The following RALYL variants were observed in gnomAD, a reference collection of about 807,000 sequenced individuals.
The protein encoded by RALYL is RNA-binding Raly-like protein.
RALYL carries 29 observed loss-of-function variants against 35.1 expected under a neutral mutation model. That is an observed-to-expected ratio of 0.83 (90% CI 0.61 to 1.13). RALYL has a LOEUF of 1.13. Among genes scored for constraint, RALYL ranks in the 50% most tolerant of loss-of-function variants. The pLI, the probability that RALYL is intolerant of heterozygous loss-of-function variation, is 0.00. For synonymous variants in RALYL, 120 were observed against 127.6 expected (o/e 0.94, Z 0.40); for missense variants, 359 against 360.4 (o/e 1.00, Z 0.03).
chr8:84,415,064 T>C (rs1367507413), intron 1 of RALYL, among the ~76,000 whole-genome samples: 3 of 151,848 alleles, frequency 2.0e-5, no homozygotes, highest in Admixed American at 6.6e-5. Flanking sequence ...TTTAGTCTTA[T>C]AGAAAGGACA....
At chr8:84,498,404 C>A (rs1371744986) in intron 1 of RALYL, among the ~76,000 whole-genome samples, 3 of 152,008 alleles carry the variant, frequency 2.0e-5, no homozygotes, top group Non-Finnish European at 2.9e-5. Flanking sequence ...TGAATAATAA[C>A]CATTATTCAT....
intron 7 of RALYL, among the ~76,000 whole-genome samples, chr8:84,881,696 T>C (rs1041885052): frequency 1.3e-5 from 2 of 151,990 alleles, no homozygotes; most frequent in African/African-American, 4.8e-5. Context: ...TTTAAAGCTT[T>C]AGGCATTTTC....
intron 7 of RALYL, among the ~76,000 whole-genome samples, chr8:84,873,744 A>G (rs111310424): frequency 2.0e-5 from 3 of 152,288 alleles, no homozygotes; most frequent in African/African-American, 7.2e-5. Context: ...AGGCTAACAT[A>G]ATATTCATAT....
intron 1 of RALYL, among the ~76,000 whole-genome samples, chr8:84,260,812 T>A (rs1057001121): frequency 6.6e-6 from 1 of 152,212 alleles, no homozygotes; most frequent in African/African-American, 2.4e-5. Context: ...ATCATATGAA[T>A]GGTGTTTCTC....
chr8:84,351,397 T>A lies in RALYL; in HGVS notation c.-24+166973T>A, dbSNP rs1021881965. On this transcript the variant is annotated intron_variant, in intron 1 of 8. Coordinates refer to ENST00000521268, the MANE Select transcript of RALYL (RefSeq NM_173848.7). ...GAATTTTGCCTTTAGACATTCATTTTAAAAAATAGCCTATTCTTTATTATT... is the reference window on the plus strand; with the variant it reads ...GAATTTTGCCTTTAGACATTCATTTAAAAAAATAGCCTATTCTTTATTATT... 8.0e-5 allele frequency among the ~76,000 whole-genome samples: 12 copies of A among 150,460 alleles called. No homozygotes were observed. In the East Asian group the frequency reaches 1.2e-3, roughly 15 times the overall value.
chr8:84,590,745 A>G (rs563340249), intron 2 of RALYL, among the ~76,000 whole-genome samples: 2 of 152,344 alleles, frequency 1.3e-5, no homozygotes, highest in East Asian at 1.9e-4. Flanking sequence ...CTGCCAAGCA[A>G]TAACTGTATA....
chr8:84,806,419 C>A (rs974084577), intron 4 of RALYL, among the ~76,000 whole-genome samples: 1 of 152,164 alleles, frequency 6.6e-6, no homozygotes, highest in African/African-American at 2.4e-5. Flanking sequence ...AGTTTCTGTG[C>A]AGCCTTTACT....
rs367677903 is a variant in RALYL, at chr8:84,432,861, C to T, written c.-23-96438C>T. On this transcript the variant is annotated intron_variant, in intron 1 of 8. Transcript: ENST00000521268. ...TTCCTACCCAGAGTCTCACAGGGAG[C>T]ATGGCCCTACTGACATCACAATTTC... 2.6e-5 allele frequency among the ~76,000 whole-genome samples: 4 copies of T among 152,212 alleles called. No homozygotes were observed. In the South Asian group the frequency reaches 8.3e-4, roughly 31 times the overall value.
At chr8:84,666,717 C>T (rs995590560) in intron 2 of RALYL, among the ~76,000 whole-genome samples, 1 of 151,964 alleles carries the variant, frequency 6.6e-6, no homozygotes, top group Non-Finnish European at 1.5e-5. Flanking sequence ...CAAATGAAAT[C>T]GTTTCTGTGC....
chr8:84,352,628 A>G (rs1445296115), intron 1 of RALYL, among the ~76,000 whole-genome samples: 1 of 150,388 alleles, frequency 6.6e-6, no homozygotes, highest in Non-Finnish European at 1.5e-5. Flanking sequence ...AGAAACTATT[A>G]ATGAAATGGA....
At chr8:84,577,726 A>G (rs965262410) in intron 2 of RALYL, among the ~76,000 whole-genome samples, 2 of 152,166 alleles carry the variant, frequency 1.3e-5, no homozygotes. Flanking sequence ...AATATAAATT[A>G]TATCTTAAAG....
intron 1 of RALYL, among the ~76,000 whole-genome samples, chr8:84,417,543 C>A (rs374737846): frequency 6.8e-6 from 1 of 146,752 alleles, no homozygotes; most frequent in Non-Finnish European, 1.5e-5. Flanking sequence ...TTTTTTTTTT[C>A]TTTTATGATG....
At chr8:84,809,435 G>A (rs143404151) in intron 4 of RALYL, among the ~76,000 whole-genome samples, 6 of 152,124 alleles carry the variant, frequency 3.9e-5, no homozygotes, top group Non-Finnish European at 8.8e-5. Flanking sequence ...ATATTGGTCT[G>A]TAGTTTTCTT....
Position 84,920,902 on chromosome 8 carries a change from G to T in RALYL, c.867G>T (p.Gln289His). The T allele has an allele frequency of 7.0e-7, 1 of 1,423,766 alleles. No homozygotes were observed. The highest frequency in any genetic ancestry group is 9.4e-7 in the Non-Finnish European group (1 of 1,068,598). 88.2% of individuals were successfully genotyped at this position (1,423,766 alleles called of 1,614,324 possible). The change falls in exon 9 of 9, where the codon CAG (glutamine) becomes CAT (histidine). Residue 289 changes from glutamine to histidine, a missense_variant. Gln to His is a conservative substitution (Grantham distance 24). Transcript: ENST00000521268. Reference protein sequence around the residue: ...DEDGGHELFLQIK With the variant: ...DEDGGHELFLHIK The stretch of plus-strand genomic sequence containing the variant: ...TTTTTTTATTTTCTCAGTTTCTACA[G>T]ATAAAGTGATCTGAAATAACGCATG...
At chr8:84,258,989 T>C (rs1445200458) in intron 1 of RALYL, among the ~76,000 whole-genome samples, 2 of 152,196 alleles carry the variant, frequency 1.3e-5, no homozygotes, top group Non-Finnish European at 2.9e-5. Context: ...TGCGTCTGTC[T>C]CCTCTAGACT....
At chr8:84,638,702 T>G (rs992217225) in intron 2 of RALYL, among the ~76,000 whole-genome samples, 16 of 150,466 alleles carry the variant, frequency 1.1e-4, no homozygotes, top group South Asian at 2.1e-4. Context: ...CCCTATGCAG[T>G]GTACAGTGGC....
chr8:84,267,650 T>G (rs1833579119), intron 1 of RALYL, among the ~76,000 whole-genome samples: 1 of 152,134 alleles, frequency 6.6e-6, no homozygotes, highest in African/African-American at 2.4e-5. Context: ...AACTATCTGC[T>G]ACCAAGAAAG....
At chr8:84,516,987 T>C (rs1445569663) in intron 1 of RALYL, among the ~76,000 whole-genome samples, 1 of 152,192 alleles carries the variant, frequency 6.6e-6, no homozygotes, top group Non-Finnish European at 1.5e-5. Flanking sequence ...AATTGGCCAA[T>C]CTCTGGAATC....
intron 2 of RALYL, among the ~76,000 whole-genome samples, chr8:84,619,579 T>C (rs1820772540): frequency 6.8e-6 from 1 of 147,384 alleles, no homozygotes; most frequent in African/African-American, 2.6e-5. Flanking sequence ...AATTGGAGCA[T>C]TTAGTCCATT....
Sources: allele counts gnomAD v4.1 joint callset (sites outside exome capture counted in the v4.1 genomes callset), GRCh38; gene constraint gnomAD v4.1.1; transcripts MANE v1.5; gene names NCBI Gene and HGNC (gene_info 2026-07-23, HGNC 2026-07-21).